Variants in GAB1 observed in about 807,000 individuals in gnomAD.
GAB1 encodes GRB2 associated binding protein 1.
GAB1 carries 19 observed loss-of-function variants against 66.5 expected under a neutral mutation model. The observed-to-expected ratio is 0.29, with a 90% confidence interval of 0.20 to 0.42. The LOEUF (loss-of-function observed/expected upper bound fraction) is 0.42. Among genes scored for constraint, GAB1 ranks in the 10% least tolerant of loss-of-function variants. The pLI is 1.00. For missense variants in GAB1, 732 were observed against 858.5 expected (o/e 0.85, Z 1.84); for synonymous variants, 294 against 301.4 (o/e 0.98, Z 0.25).
intron 3 of GAB1, among the ~76,000 whole-genome samples, 195 bp downstream of exon 3, chr4:143,433,911 G>A (rs899463942): frequency 2.6e-5 from 4 of 152,084 alleles, no homozygotes; most frequent in East Asian, 1.9e-4. Flanking sequence ...AGATTGTATC[G>A]AAGAGACACA....
chr4:143,412,058 A>G (rs968688926), intron 1 of GAB1, among the ~76,000 whole-genome samples: 4 of 152,194 alleles, frequency 2.6e-5, no homozygotes, highest in Admixed American at 6.5e-5. Context: ...CACTAGCCCA[A>G]TATATCTAAT....
chr4:143,365,915 CA>C (rs758045860), intron 1 of GAB1, among the ~76,000 whole-genome samples: 69 of 152,218 alleles, frequency 4.5e-4, no homozygotes, highest in Non-Finnish European at 7.4e-4. Flanking sequence ...AACAATAAGC[CA>C]TTTTTTTGGA....
intron 6 of GAB1, among the ~76,000 whole-genome samples, chr4:143,455,813 G>T (rs557015060): frequency 1.6e-4 from 25 of 152,248 alleles, no homozygotes; most frequent in Admixed American, 3.3e-4. Context: ...AGCCGCAATG[G>T]AGAGTTCAAA....
chr4:143,439,749 C>A, intron 4 of GAB1, 53 bp from the exon 5 acceptor site: 1 of 1,278,268 alleles, frequency 7.8e-7, no homozygotes, highest in Non-Finnish European at 1.1e-6. Flanking sequence ...CCCAATGACC[C>A]TGAGAGCTGG....
chr4:143,454,892 TTCTC>T (rs1247247858), intron 6 of GAB1, among the ~76,000 whole-genome samples: 3 of 151,618 alleles, frequency 2.0e-5, no homozygotes, highest in African/African-American at 7.3e-5. Context: ...GGAGCTGAGT[TTCTC>T]TCTCTTTTTT....
chr4:143,399,321 A>G (rs1267528648), intron 1 of GAB1, among the ~76,000 whole-genome samples: 1 of 152,232 alleles, frequency 6.6e-6, no homozygotes, highest in Non-Finnish European at 1.5e-5. Context: ...AAAGGTGCAC[A>G]AGGAAATAGT....
intron 8 of GAB1, among the ~76,000 whole-genome samples, chr4:143,465,400 C>T (rs1371420016): frequency 6.6e-6 from 1 of 152,134 alleles, no homozygotes; most frequent in Non-Finnish European, 1.5e-5. Flanking sequence ...CCAGAGTTGT[C>T]TTCACTCTGC....
chr4:143,341,193 C>A (rs1212782054), intron 1 of GAB1, among the ~76,000 whole-genome samples: 1 of 152,114 alleles, frequency 6.6e-6, no homozygotes, highest in East Asian at 1.9e-4. Context: ...ATATATTAAA[C>A]AGCTGCTTTT....
chr4:143,359,641 T>C (rs73853812), intron 1 of GAB1, among the ~76,000 whole-genome samples: 3,156 of 152,316 alleles, frequency 0.021, 104 homozygotes, highest in African/African-American at 0.072. Context: ...CTGTGTGCCC[T>C]GGTCATTGTT....
At chr4:143,425,441 C>T (rs1303737882) in intron 2 of GAB1, 3 of 759,796 alleles carry the variant, frequency 3.9e-6, no homozygotes, top group Admixed American at 3.4e-5. Flanking sequence ...AGACCAGCCT[C>T]TCATAGAGAG....
chr4:143,431,854 C>T (rs1483872904), intron 2 of GAB1, among the ~76,000 whole-genome samples: 1 of 152,064 alleles, frequency 6.6e-6, no homozygotes, highest in Non-Finnish European at 1.5e-5. Context: ...AGCCCAACCT[C>T]ACAAATCCTT....
At position 143,438,301 on chromosome 4, in the gene GAB1, A is replaced by C. The variant is rs768844219; in HGVS notation, c.896A>C (p.Gln299Pro). 4 of 1,614,008 alleles carry C rather than the reference A, an allele frequency of 2.5e-6. No individual in the cohort carries two copies. The highest frequency in any genetic ancestry group is 3.4e-6 in the Non-Finnish European group (4 of 1,179,890). Reference sequence around the variant, plus strand: ...TCTGGGACATCGAGTGTAGAGACTCAAATGAGGCATGTATCTATTAGTTAT... The same window carrying C: ...TCTGGGACATCGAGTGTAGAGACTCCAATGAGGCATGTATCTATTAGTTAT... ...TPSGTSSVET[Q>P]MRHVSISYDI... The change falls in exon 4 of 10, where the codon CAA becomes CCA. Residue 299 changes from glutamine to proline, a missense_variant. Gln to Pro is a moderately conservative substitution (Grantham distance 76). Coordinates refer to ENST00000262994, the MANE Select transcript of GAB1 (RefSeq NM_002039.4).
Position 143,462,143 on chromosome 4 carries a change from CAAT to C in GAB1, c.1803+1660_1803+1662del, listed in dbSNP as rs536992454. ...TTCAAAAATAATATAATCAATATAT[CAAT>C]AATGTTTTCACTGATTTTTCAAGGC... On this transcript the variant is annotated intron_variant, in intron 8 of 9. Transcript: ENST00000262994. Among the ~76,000 whole-genome samples, 104 of 152,130 alleles carry C rather than the reference CAAT, an allele frequency of 6.8e-4. No homozygotes were observed. The South Asian group carries it at 8.1e-3, about 12-fold the overall frequency.
intron 2 of GAB1, chr4:143,417,462 C>T: frequency 2.3e-6 from 1 of 427,658 alleles, no homozygotes; most frequent in Non-Finnish European, 4.7e-6. Context: ...GGCTGGAGTA[C>T]AGTGGCATGA....
chr4:143,457,004 C>T (rs1291759266), intron 6 of GAB1, among the ~76,000 whole-genome samples: 1 of 152,156 alleles, frequency 6.6e-6, no homozygotes, highest in Non-Finnish European at 1.5e-5. Context: ...GCTAGGCAAT[C>T]AGTAGAACCA....
chr4:143,434,513 T>TGCTG (rs1223813209), intron 3 of GAB1, among the ~76,000 whole-genome samples: 2 of 151,930 alleles, frequency 1.3e-5, no homozygotes, highest in African/African-American at 2.4e-5. Flanking sequence ...GCCATCTGTA[T>TGCTG]GCTGGCTGGC....
intron 1 of GAB1, among the ~76,000 whole-genome samples, chr4:143,383,266 GAT>G (rs1223131525): frequency 6.6e-6 from 1 of 152,180 alleles, no homozygotes; most frequent in African/African-American, 2.4e-5. Flanking sequence ...GCCACCATCA[GAT>G]CATTGAGACT....
At chr4:143,414,151 C>T (rs1732555385) in intron 1 of GAB1, among the ~76,000 whole-genome samples, 1 of 151,992 alleles carries the variant, frequency 6.6e-6, no homozygotes, top group South Asian at 2.1e-4. Context: ...GTAGTCTTAC[C>T]TAGAATGTTG....
intron 1 of GAB1, among the ~76,000 whole-genome samples, chr4:143,353,466 C>T (rs934968770): frequency 1.3e-5 from 2 of 152,168 alleles, no homozygotes; most frequent in Non-Finnish European, 2.9e-5. Flanking sequence ...TAGAGACAGA[C>T]TGACTCCACT....
Sources: gnomAD v4.1 joint callset for allele counts (sites outside exome capture counted in the v4.1 genomes callset) on GRCh38, gnomAD v4.1.1 for gene constraint, MANE v1.5 for transcripts, NCBI Gene and HGNC (gene_info 2026-07-23, HGNC 2026-07-21) for gene names.